The following FGF12 variants were observed in gnomAD, a reference collection of about 807,000 sequenced individuals.
FGF12 encodes fibroblast growth factor 12.
A neutral mutation model predicts 23.6 loss-of-function variants in FGF12; 14 were observed. The ratio of observed to expected loss-of-function variants is 0.59; its 90% CI spans 0.39 to 0.93. The LOEUF (loss-of-function observed/expected upper bound fraction) is 0.93. Among genes scored for constraint, FGF12 ranks in the 40% least tolerant of loss-of-function variants. The pLI, the probability that FGF12 is intolerant of heterozygous loss-of-function variation, is 0.00. For missense variants in FGF12, 175 were observed against 217.8 expected (o/e 0.80, Z 1.24); for synonymous variants, 62 against 77.3 (o/e 0.80, Z 1.04).
chr3:192,571,509 G>A (rs913589034), intron 2 of FGF12, among the ~76,000 whole-genome samples: 4 of 152,176 alleles, frequency 2.6e-5, no homozygotes, highest in Non-Finnish European at 5.9e-5. Flanking sequence ...CGGGGCGGAC[G>A]GGACCCACTG....
chr3:192,685,252 C>A (rs372999260), intron 2 of FGF12, among the ~76,000 whole-genome samples: 2 of 152,214 alleles, frequency 1.3e-5, no homozygotes, highest in African/African-American at 4.8e-5. Context: ...GGGGTTTCAC[C>A]GTGTTAGTCA....
At chr3:192,256,884 T>A (rs192044088) in intron 4 of FGF12, among the ~76,000 whole-genome samples, 20 of 152,296 alleles carry the variant, frequency 1.3e-4, no homozygotes, top group Non-Finnish European at 4.4e-5. Flanking sequence ...AGCTTGGATC[T>A]GGTTAGTGAC....
chr3:192,250,370 T>G (rs1213035378), intron 4 of FGF12, among the ~76,000 whole-genome samples: 1 of 152,152 alleles, frequency 6.6e-6, no homozygotes, highest in Non-Finnish European at 1.5e-5. Flanking sequence ...TAAGTTATGG[T>G]CAGCACAAGA....
intron 2 of FGF12, among the ~76,000 whole-genome samples, chr3:192,579,773 T>C (rs533587893): frequency 6.6e-6 from 1 of 152,184 alleles, no homozygotes; most frequent in Non-Finnish European, 1.5e-5. Flanking sequence ...TTTCTCCATG[T>C]TGCCCAGGCT....
chr3:192,310,857 C>G (rs1715895313), intron 4 of FGF12, among the ~76,000 whole-genome samples: 1 of 152,148 alleles, frequency 6.6e-6, no homozygotes, highest in South Asian at 2.1e-4. Context: ...ATTGTGTTTA[C>G]AGTTGTAAGA....
intron 4 of FGF12, among the ~76,000 whole-genome samples, chr3:192,304,296 C>T (rs866679521): frequency 2.0e-5 from 3 of 152,106 alleles, no homozygotes; most frequent in African/African-American, 7.2e-5. Context: ...ATCTACTTCC[C>T]CTGTTGGGCA....
chr3:192,416,689 T>C (rs904227332), intron 2 of FGF12, among the ~76,000 whole-genome samples: 1 of 152,108 alleles, frequency 6.6e-6, no homozygotes, highest in Non-Finnish European at 1.5e-5. Flanking sequence ...TCTAGGATAG[T>C]ACATGAAAGC....
chr3:192,571,009 A>T (rs1712607763), intron 2 of FGF12, among the ~76,000 whole-genome samples: 1 of 152,136 alleles, frequency 6.6e-6, no homozygotes, highest in East Asian at 1.9e-4. Flanking sequence ...TGATTCCATT[A>T]ACCTTCTGAT....
chr3:192,675,315 C>A (rs1176939331), intron 2 of FGF12, among the ~76,000 whole-genome samples: 4 of 151,258 alleles, frequency 2.6e-5, no homozygotes, highest in Non-Finnish European at 4.4e-5. Context: ...AAAAAAAAGT[C>A]CTACTTTTTT....
At chr3:192,679,698 C>T (rs560745511) in intron 2 of FGF12, among the ~76,000 whole-genome samples, 109 of 152,218 alleles carry the variant, frequency 7.2e-4, no homozygotes, top group African/African-American at 2.6e-3. Context: ...CCCCAGATCC[C>T]GTCCACCACT....
At chr3:192,161,790 G>C (rs1396039694) in intron 5 of FGF12, among the ~76,000 whole-genome samples, 1 of 152,082 alleles carries the variant, frequency 6.6e-6, no homozygotes, top group Non-Finnish European at 1.5e-5. Flanking sequence ...AGGTAGTATA[G>C]CTGCTACTAA....
intron 2 of FGF12, among the ~76,000 whole-genome samples, chr3:192,546,173 T>C (rs1331708388): frequency 2.6e-5 from 4 of 152,212 alleles, no homozygotes; most frequent in Non-Finnish European, 5.9e-5. Context: ...TTAGACAATT[T>C]ACATGACCTC....
rs1712603589 is a variant in FGF12 at position 192,570,916 on chromosome 3, C to CAAGGCTAGGAAAGTAGTAGGAT, written c.13+156264_13+156265insATCCTACTACTTTCCTAGCCTT. Among the ~76,000 whole-genome samples the CAAGGCTAGGAAAGTAGTAGGAT allele has an allele frequency of 2.0e-5, 3 of 152,260 alleles. No individual in the cohort carries two copies. In the South Asian group the frequency reaches 6.2e-4, roughly 32 times the overall value. Reference sequence around the variant, plus strand: ...GGAAGCTCACTTTCTGGCATCCGTCCTAGCAAGGCTAGGAAAGTAAATGAC... The same window carrying CAAGGCTAGGAAAGTAGTAGGAT: ...GGAAGCTCACTTTCTGGCATCCGTCCAAGGCTAGGAAAGTAGTAGGATTAGCAAGGCTAGGAAAGTAAATGAC... On this transcript the variant is annotated intron_variant, in intron 2 of 5. Transcript: ENST00000445105.
intron 2 of FGF12, among the ~76,000 whole-genome samples, chr3:192,411,336 G>C (rs1721194148): frequency 6.6e-6 from 1 of 152,222 alleles, no homozygotes; most frequent in Non-Finnish European, 1.5e-5. Context: ...GGGACAAACA[G>C]CTGGGAGGAG....
chr3:192,438,146 C>T (rs1722085095), intron 2 of FGF12, among the ~76,000 whole-genome samples: 1 of 152,170 alleles, frequency 6.6e-6, no homozygotes, highest in Non-Finnish European at 1.5e-5. Context: ...TACTCATTTT[C>T]ACCCGTTGAT....
chr3:192,169,438 TA>T (rs961117220), intron 5 of FGF12, among the ~76,000 whole-genome samples: 29 of 152,288 alleles, frequency 1.9e-4, no homozygotes, highest in African/African-American at 6.5e-4. Flanking sequence ...TGAGAGGGGC[TA>T]GGGGCTTTGA....
intron 2 of FGF12, among the ~76,000 whole-genome samples, chr3:192,662,316 A>G (rs879570636): frequency 1.3e-5 from 2 of 152,222 alleles, no homozygotes; most frequent in African/African-American, 2.4e-5. Flanking sequence ...CACTTCCTGT[A>G]TTAGCTTATT....
rs146111262 is a variant in FGF12, at chr3:192,626,579, G to A, written c.13+100602C>T. Among the ~76,000 whole-genome samples, 15 of 152,212 alleles carry A rather than the reference G, an allele frequency of 9.9e-5. No individual in the cohort carries two copies. The East Asian group carries it at 2.7e-3, about 27-fold the overall frequency. ...TCATCATTAGAGTAAGAAGGAATAA[G>A]TTAAACGCTACATATACATGCCAAT... On this transcript the variant is annotated intron_variant, in intron 2 of 5. Transcript: ENST00000445105.
intron 2 of FGF12, among the ~76,000 whole-genome samples, chr3:192,502,933 A>G (rs1724175366): frequency 6.6e-6 from 1 of 152,238 alleles, no homozygotes. Flanking sequence ...CATTTTCTGC[A>G]CTGTAATACA....
Sources: gnomAD v4.1 joint callset for allele counts (sites outside exome capture counted in the v4.1 genomes callset) on GRCh38, gnomAD v4.1.1 for gene constraint, MANE v1.5 for transcripts, NCBI Gene and HGNC (gene_info 2026-07-23, HGNC 2026-07-21) for gene names.